FER: variants seen among roughly 807,000 people sequenced by gnomAD.
FER encodes the protein tyrosine-protein kinase Fer.
In FER, 63 loss-of-function variants were observed where a neutral mutation model predicts 111.0. The ratio of observed to expected loss-of-function variants is 0.57; its 90% CI spans 0.46 to 0.70. The LOEUF (loss-of-function observed/expected upper bound fraction) is 0.70. FER is among the 30% of genes least tolerant of loss of function. FER has a pLI of 0.00. For synonymous variants in FER, 327 were observed against 313.9 expected (o/e 1.04, Z -0.44); for missense variants, 914 against 954.0 (o/e 0.96, Z 0.55).
chr5:108,879,485 A>G (rs1309093162), intron 8 of FER, among the ~76,000 whole-genome samples: 1 of 151,700 alleles, frequency 6.6e-6, no homozygotes, highest in African/African-American at 2.4e-5. Flanking sequence ...TTATATTTGT[A>G]TACGAAACAT....
intron 17 of FER, among the ~76,000 whole-genome samples, chr5:109,175,800 C>G (rs1422249786): frequency 6.6e-6 from 1 of 152,138 alleles, no homozygotes; most frequent in East Asian, 1.9e-4. Flanking sequence ...TACCATTTCA[C>G]CCCAGTTAGA....
Position 108,883,439 on chromosome 5 carries a change from CT to C in FER, c.971del (p.Leu324Ter). ...AGAACTTATGCAAACACAGCAGATG[CT>C]TTTAAACAAGGAGGAGGCTGTTTTG... ...AEELMQTQQMLLNKEEAVLEL... is the reference protein window; with the variant it reads ...AEELMQTQQMXLNKEEAVLEL... On this transcript the variant is annotated frameshift_variant, in exon 9 of 20. Transcript: ENST00000281092. LOFTEE classifies it high-confidence loss of function. 1 of 1,608,512 alleles carries C rather than the reference CT, an allele frequency of 6.2e-7. No homozygotes were observed. Among genetic ancestry groups the C allele is most frequent in the Non-Finnish European group, 8.5e-7 (1 of 1,176,436 alleles).
intron 17 of FER, among the ~76,000 whole-genome samples, chr5:109,146,177 CA>C (rs959308344): frequency 8.9e-5 from 10 of 112,430 alleles, no homozygotes; most frequent in African/African-American, 3.0e-4. Flanking sequence ...AATTTTGCAG[CA>C]AAAAAATACA....
At chr5:108,948,690 A>G (rs900382247) in intron 11 of FER, among the ~76,000 whole-genome samples, 1 of 152,090 alleles carries the variant, frequency 6.6e-6, no homozygotes, top group African/African-American at 2.4e-5. Flanking sequence ...TGTTCCAGTC[A>G]TGTCAAGAAT....
intron 17 of FER, among the ~76,000 whole-genome samples, chr5:109,123,915 T>C (rs1751333341): frequency 6.6e-6 from 1 of 152,198 alleles, no homozygotes; most frequent in African/African-American, 2.4e-5. Context: ...GTTTACATTA[T>C]GTTTACATAG....
At chr5:108,948,036 T>C (rs1445612011) in intron 11 of FER, among the ~76,000 whole-genome samples, 1 of 152,082 alleles carries the variant, frequency 6.6e-6, no homozygotes, top group Non-Finnish European at 1.5e-5. Context: ...TTAAAATCTT[T>C]AAAATGCAAC....
At chr5:109,123,268 G>C (rs986517141) in intron 17 of FER, among the ~76,000 whole-genome samples, 5 of 149,574 alleles carry the variant, frequency 3.3e-5, no homozygotes, top group Non-Finnish European at 7.4e-5. Context: ...CCATTCTCCT[G>C]CCTCAGCCTC....
chr5:109,186,454 G>C, intron 19 of FER, 132 bp downstream of exon 19: 1 of 1,327,330 alleles, frequency 7.5e-7, no homozygotes, highest in Non-Finnish European at 1.0e-6. Context: ...CTGGGGTTCA[G>C]AAGCAGATTT....
At chr5:108,887,940 T>G (rs1323730892) in intron 9 of FER, among the ~76,000 whole-genome samples, 1 of 151,874 alleles carries the variant, frequency 6.6e-6, no homozygotes. Context: ...GATTATTTAA[T>G]TTTGTATTGT....
intron 3 of FER, among the ~76,000 whole-genome samples, chr5:108,813,302 A>T (rs1261065046): frequency 6.6e-6 from 1 of 152,088 alleles, no homozygotes; most frequent in Non-Finnish European, 1.5e-5. Flanking sequence ...CTCTGGCTGC[A>T]CTTAAGGTTT....
At chr5:108,827,344 T>A (rs1759572966) in intron 3 of FER, among the ~76,000 whole-genome samples, 1 of 152,174 alleles carries the variant, frequency 6.6e-6, no homozygotes, top group African/African-American at 2.4e-5. Context: ...GATAAAGGGC[T>A]GGGTTTCTAA....
chr5:108,854,114 G>T (rs1762778422), intron 5 of FER, among the ~76,000 whole-genome samples: 1 of 152,074 alleles, frequency 6.6e-6, no homozygotes, highest in South Asian at 2.1e-4. Context: ...TTTCACCTAG[G>T]GGACATAAAG....
chr5:108,970,654 C>T (rs1044614284), intron 13 of FER, among the ~76,000 whole-genome samples: 1 of 151,890 alleles, frequency 6.6e-6, no homozygotes, highest in Non-Finnish European at 1.5e-5. Flanking sequence ...TACGGGAATT[C>T]AGAAGAGAGG....
chr5:109,009,982 T>A (rs1347367734), intron 13 of FER, among the ~76,000 whole-genome samples: 1 of 152,150 alleles, frequency 6.6e-6, no homozygotes, highest in African/African-American at 2.4e-5. Context: ...AATCTGTTGG[T>A]CAAAGTAAGT....
chr5:108,949,094 TTTGC>T, intron 11 of FER, among the ~76,000 whole-genome samples: 1 of 152,208 alleles, frequency 6.6e-6, no homozygotes, highest in East Asian at 1.9e-4. Flanking sequence ...GTAAGTAAGA[TTTGC>T]TTGCTTGCTT....
At chr5:109,033,219 T>C (rs1375975395) in intron 13 of FER, among the ~76,000 whole-genome samples, 1 of 152,216 alleles carries the variant, frequency 6.6e-6, no homozygotes, top group Non-Finnish European at 1.5e-5. Flanking sequence ...CTTCCATTTT[T>C]TCTGTTTTTT....
In FER at chr5:108,965,146, G is replaced by C. The variant is rs74954512; in HGVS notation, c.1656+5799G>C. 7.7e-3 allele frequency among the ~76,000 whole-genome samples: 1,165 copies of C among 152,178 alleles called. 16 individuals are homozygous for C. Among genetic ancestry groups the C allele is most frequent in the African/African-American group, 0.027 (1,101 of 41,510 alleles). On this transcript the variant is annotated intron_variant, in intron 13 of 19. Coordinates refer to ENST00000281092, the MANE Select transcript of FER (RefSeq NM_005246.4). ...TAATTAGGTCTATTGAGAGTGAAGA[G>C]CACAAAAAAATTACAAAATGTTCTT... is the stretch of plus-strand genomic sequence containing the variant.
intron 13 of FER, among the ~76,000 whole-genome samples, chr5:109,026,366 C>T (rs914211826): frequency 3.3e-5 from 5 of 151,870 alleles, no homozygotes; most frequent in South Asian, 2.1e-4. Context: ...AACAAATACT[C>T]GGTTACTAAA....
chr5:108,922,946 A>G (rs1417295430), intron 10 of FER, among the ~76,000 whole-genome samples: 1 of 152,190 alleles, frequency 6.6e-6, no homozygotes, highest in Non-Finnish European at 1.5e-5. Context: ...ACAAAGTTGC[A>G]TAGTTTCTGG....
Sources: allele counts gnomAD v4.1 joint callset (sites outside exome capture counted in the v4.1 genomes callset), GRCh38; gene constraint gnomAD v4.1.1; transcripts MANE v1.5; gene names NCBI Gene and HGNC (gene_info 2026-07-23, HGNC 2026-07-21).